ZNF609: variants seen among roughly 807,000 people sequenced by gnomAD.
The protein encoded by ZNF609 is zinc finger protein 609.
In ZNF609, 11 loss-of-function variants were observed where a neutral mutation model predicts 109.5. The ratio of observed to expected loss-of-function variants is 0.10; its 90% confidence interval spans 0.06 to 0.17. The LOEUF is 0.17. ZNF609 is among the 10% of genes least tolerant of loss of function. ZNF609 has a pLI of 1.00. For missense variants in ZNF609, 1,559 were observed against 1,772.4 expected, an observed-to-expected ratio of 0.88 and a Z score of 2.16; for synonymous variants, 646 against 662.0, an observed-to-expected ratio of 0.98 and a Z score of 0.37.
intron 3 of ZNF609, among the ~76,000 whole-genome samples, chr15:64,650,221 C>T (rs1450034817): frequency 6.7e-6 from 1 of 148,892 alleles, no homozygotes; most frequent in Admixed American, 6.7e-5. Context: ...CTGGGCAACA[C>T]AGTGAAACCC....
chr15:64,564,586 G>C (rs1894743876), intron 2 of ZNF609, among the ~76,000 whole-genome samples: 1 of 151,898 alleles, frequency 6.6e-6, no homozygotes, highest in East Asian at 1.9e-4. Context: ...CCATGTGTTT[G>C]TTGTGTTGTT....
intron 3 of ZNF609, among the ~76,000 whole-genome samples, chr15:64,661,262 G>A (rs534546358): frequency 1.3e-4 from 20 of 152,148 alleles, no homozygotes; most frequent in South Asian, 2.1e-4. Flanking sequence ...ACGACTGGCC[G>A]CGTATCACTA....
chr15:64,527,398 A>C (rs891244399), intron 2 of ZNF609, among the ~76,000 whole-genome samples: 1 of 149,902 alleles, frequency 6.7e-6, no homozygotes, highest in East Asian at 1.9e-4. Flanking sequence ...TTCAGAGTTC[A>C]GTATATTCTC....
At chr15:64,492,665 A>G (rs1893430367) in intron 1 of ZNF609, among the ~76,000 whole-genome samples, 1 of 152,142 alleles carries the variant, frequency 6.6e-6, no homozygotes, top group Non-Finnish European at 1.5e-5. Context: ...TACAGTCGTG[A>G]GGTGCTGTAC....
intron 3 of ZNF609, among the ~76,000 whole-genome samples, chr15:64,629,956 A>G (rs1272435622): frequency 6.6e-6 from 1 of 152,160 alleles, no homozygotes; most frequent in Admixed American, 6.5e-5. Context: ...AGTTTCACTG[A>G]TGAACATCAA....
chr15:64,659,480 T>A (rs1422605882), intron 3 of ZNF609, among the ~76,000 whole-genome samples: 1 of 152,134 alleles, frequency 6.6e-6, no homozygotes, highest in Non-Finnish European at 1.5e-5. Context: ...AAGTTGGATG[T>A]AATAGAGAGG....
intron 3 of ZNF609, among the ~76,000 whole-genome samples, chr15:64,623,961 G>T (rs931567467): frequency 6.6e-6 from 1 of 152,140 alleles, no homozygotes; most frequent in Non-Finnish European, 1.5e-5. Flanking sequence ...AGGCCCAGAG[G>T]AGCACAGCTA....
chr15:64,500,475 A>T, intron 2 of ZNF609: 1 of 644,832 alleles, frequency 1.6e-6, no homozygotes, highest in Non-Finnish European at 2.8e-6. Context: ...CACCTCAGAC[A>T]CTTGTTGGTA....
intron 2 of ZNF609, among the ~76,000 whole-genome samples, chr15:64,608,973 G>C (rs1301856007): frequency 6.6e-6 from 1 of 152,064 alleles, no homozygotes; most frequent in Non-Finnish European, 1.5e-5. Context: ...CTGGGCTAAA[G>C]CATTCTACCC....
chr15:64,529,257 T>G (rs574519130), intron 2 of ZNF609: 30 of 715,560 alleles, frequency 4.2e-5, no homozygotes, highest in South Asian at 4.0e-4. Context: ...GTCATACTTC[T>G]CATGGTTCAC....
intron 3 of ZNF609, among the ~76,000 whole-genome samples, chr15:64,660,241 A>T (rs1408478420): frequency 1.3e-5 from 2 of 152,192 alleles, no homozygotes; most frequent in African/African-American, 4.8e-5. Flanking sequence ...CCTAATATTA[A>T]TAAAAGTATT....
chr15:64,670,658 C>A (rs950982879), intron 4 of ZNF609, among the ~76,000 whole-genome samples: 4 of 151,700 alleles, frequency 2.6e-5, no homozygotes, highest in African/African-American at 9.7e-5. Flanking sequence ...GCAGGCGGAT[C>A]ACCTGAGGTC....
intron 3 of ZNF609, among the ~76,000 whole-genome samples, chr15:64,629,462 C>T (rs1896028899): frequency 6.6e-6 from 1 of 152,132 alleles, no homozygotes; most frequent in Non-Finnish European, 1.5e-5. Context: ...GATGACATCG[C>T]AATGGAATCA....
intron 1 of ZNF609, among the ~76,000 whole-genome samples, chr15:64,487,987 T>G (rs1456520072): frequency 6.6e-6 from 1 of 152,168 alleles, no homozygotes; most frequent in African/African-American, 2.4e-5. Context: ...TGATAGAACT[T>G]TTACATTTAT....
intron 2 of ZNF609, chr15:64,593,328 G>A (rs1047140299): frequency 1.1e-5 from 15 of 1,331,158 alleles, no homozygotes; most frequent in Non-Finnish European, 1.5e-5. Flanking sequence ...CCCATGTAAG[G>A]AGGTGAGTTC....
rs547825819 is a variant in ZNF609 at position 64,623,190 on chromosome 15, G to C, written c.973+138G>C. 59 of 866,574 alleles carry C rather than the reference G, an allele frequency of 6.8e-5. No individual in the cohort carries two copies. The South Asian group carries it at 1.0e-3, about 15-fold the overall frequency. The allele number at this position is 866,574 out of a possible 1,614,324, so 53.7% of individuals were successfully genotyped here. ...ACAGTCTGCGGGAGATACCCACACA[G>C]AGGATTTTAGCAGACTTAGCAAAAT... is the stretch of plus-strand genomic sequence containing the variant. On this transcript the variant is annotated intron_variant, in intron 3 of 9. Transcript: ENST00000326648.
At chr15:64,558,425 G>C (rs1213549607) in intron 2 of ZNF609, among the ~76,000 whole-genome samples, 2 of 152,100 alleles carry the variant, frequency 1.3e-5, no homozygotes, top group Non-Finnish European at 2.9e-5. Flanking sequence ...GAGTTATTAG[G>C]TAAATATATG....
chr15:64,605,706 A>G (rs1184439236), intron 2 of ZNF609, among the ~76,000 whole-genome samples: 1 of 151,588 alleles, frequency 6.6e-6, no homozygotes, highest in Non-Finnish European at 1.5e-5. Flanking sequence ...GTTAAATAAT[A>G]GAGCTGAGAT....
chr15:64,461,376 C>T (rs1184714610), intron 1 of ZNF609, among the ~76,000 whole-genome samples: 1 of 152,004 alleles, frequency 6.6e-6, no homozygotes, highest in African/African-American at 2.4e-5. Flanking sequence ...TACTCCTGTC[C>T]TTTTCTTCAA....
Sources: gnomAD v4.1 joint callset for allele counts (sites outside exome capture counted in the v4.1 genomes callset) on GRCh38, gnomAD v4.1.1 for gene constraint, MANE v1.5 for transcripts, NCBI Gene and HGNC (gene_info 2026-07-23, HGNC 2026-07-21) for gene names.